Variants in PCGF3 observed in about 807,000 individuals in gnomAD.
PCGF3 encodes polycomb group ring finger 3.
A neutral mutation model predicts 33.1 loss-of-function variants in PCGF3; 7 were observed. The ratio of observed to expected loss-of-function variants is 0.21; its 90% CI spans 0.12 to 0.40. PCGF3 has a LOEUF of 0.40. PCGF3 is among the 10% of genes least tolerant of loss of function. The probability of loss-of-function intolerance (pLI) is 1.00; values close to 1 mark genes in which losing one functional copy is unlikely to be tolerated. For missense variants in PCGF3, 211 were observed against 313.3 expected (o/e 0.67, Z 2.46); for synonymous variants, 153 against 121.3 (o/e 1.26, Z -1.72).
exon 11 of PCGF3, chr4:766,275 C>A: frequency 1.8e-6 from 1 of 567,000 alleles, no homozygotes; most frequent in South Asian, 2.1e-5. Context: ...GAAAACACTT[C>A]ACAGTCTCCC....
At chr4:754,812 G>C (rs148450545) in intron 8 of PCGF3, among the ~76,000 whole-genome samples, 2 of 152,340 alleles carry the variant, frequency 1.3e-5, no homozygotes, top group East Asian at 1.9e-4. Context: ...GCACGGCCAG[G>C]GTGGCCATGC....
rs376235742 is a variant in PCGF3 at position 736,141 on chromosome 4, G to A, written c.206+1114G>A. Among the ~76,000 whole-genome samples the A allele has an allele frequency of 1.5e-4, 23 of 151,930 alleles. No homozygotes were observed. The East Asian group carries it at 1.5e-3, about 10-fold the overall frequency. ...CAGCTCACCGCAACCTCCACCTCCC[G>A]GGTTCAAGTGATTCTCCTGCCTCAG... On this transcript the variant is annotated intron_variant, in intron 5 of 10. Transcript: ENST00000362003.
intron 9 of PCGF3, chr4:761,795 A>T: frequency 3.0e-6 from 3 of 985,410 alleles, no homozygotes; most frequent in Non-Finnish European, 3.6e-6. Context: ...GAGACGAAGG[A>T]GTGCTGGCAT....
At chr4:741,494 C>T (rs1744088365) in intron 6 of PCGF3, among the ~76,000 whole-genome samples, 1 of 152,204 alleles carries the variant, frequency 6.6e-6, no homozygotes, top group African/African-American at 2.4e-5. Flanking sequence ...GCAACCTCCG[C>T]CTCCCAGGTT....
intron 8 of PCGF3, among the ~76,000 whole-genome samples, chr4:759,968 G>C (rs1259239200): frequency 6.6e-6 from 1 of 152,100 alleles, no homozygotes; most frequent in Non-Finnish European, 1.5e-5. Flanking sequence ...TCTCTCCCGA[G>C]TTCTCTCTCC....
intron 8 of PCGF3, chr4:756,953 A>G (rs1442946489): frequency 1.3e-5 from 2 of 152,250 alleles, no homozygotes; most frequent in African/African-American, 4.8e-5. Context: ...GTGCCATAAT[A>G]AAGCCTAAAA....
At chr4:764,829 T>C (rs961897342) in intron 9 of PCGF3, 155 bp from the exon 10 acceptor site, 8 of 606,634 alleles carry the variant, frequency 1.3e-5, no homozygotes, top group African/African-American at 1.9e-5. Context: ...GAGGTAGGGA[T>C]GGAGGAATAC....
chr4:747,607 G>GGCCTCC (rs1234841956), intron 8 of PCGF3, among the ~76,000 whole-genome samples: 3 of 49,740 alleles, frequency 6.0e-5, no homozygotes, highest in Middle Eastern at 0.013. Context: ...GCGGGGCCCG[G>GGCCTCC]GGGTCGCTGC....
chr4:736,600 G>A (rs1271839010), intron 5 of PCGF3, among the ~76,000 whole-genome samples: 1 of 115,600 alleles, frequency 8.7e-6, no homozygotes, highest in Non-Finnish European at 1.8e-5. Flanking sequence ...GGAACCTGGG[G>A]TGTCCGCAGG....
intron 8 of PCGF3, among the ~76,000 whole-genome samples, chr4:756,161 C>A (rs1419413855): frequency 6.6e-6 from 1 of 151,062 alleles, no homozygotes; most frequent in African/African-American, 2.4e-5. Context: ...GTGATTCACC[C>A]GCCTCAGCCT....
chr4:756,442 A>G (rs1204552675), intron 8 of PCGF3, among the ~76,000 whole-genome samples: 1 of 151,354 alleles, frequency 6.6e-6, no homozygotes, highest in Non-Finnish European at 1.5e-5. Flanking sequence ...CGAACTCCTG[A>G]CCTCAAATGA....
rs1560198175 is a variant in PCGF3, at chr4:720,120, C to T, written c.-189-10510C>T. On this transcript the variant is annotated intron_variant, in intron 1 of 10. Coordinates refer to ENST00000362003, the Ensembl canonical transcript of PCGF3. The surrounding 1 kb of genome is among the most constrained non-coding windows in gnomAD (Gnocchi z 5.6). ...GGCATCGACTGGATGGCCTTTCCCT[C>T]CTGAGTGACAGCCCTGGACGTGCTG... Among the ~76,000 whole-genome samples the T allele has an allele frequency of 6.6e-6, 1 of 152,322 alleles. No individual in the cohort carries two copies. The highest frequency in any genetic ancestry group is 2.1e-4 in the South Asian group (1 of 4,830).
chr4:756,406 T>C (rs1744771679), intron 8 of PCGF3, among the ~76,000 whole-genome samples: 1 of 151,278 alleles, frequency 6.6e-6, no homozygotes, highest in African/African-American at 2.4e-5. Flanking sequence ...ACAGACGGGG[T>C]TTCACTATGT....
intron 7 of PCGF3, 113 bp downstream of exon 7, chr4:743,697 TGGG>T: frequency 6.1e-6 from 4 of 653,902 alleles, no homozygotes; most frequent in Non-Finnish European, 1.1e-5. Flanking sequence ...CGGGAGAACG[TGGG>T]GGAACCTGAG....
chr4:739,460 G>C (rs1223111207), intron 6 of PCGF3, among the ~76,000 whole-genome samples: 1 of 152,202 alleles, frequency 6.6e-6, no homozygotes, highest in Non-Finnish European at 1.5e-5. Context: ...CCAAAGTGCT[G>C]GGATTACAGG....
At chr4:717,678 G>A (rs1205334774) in intron 1 of PCGF3, among the ~76,000 whole-genome samples, 3 of 152,246 alleles carry the variant, frequency 2.0e-5, no homozygotes, top group African/African-American at 4.8e-5. Flanking sequence ...GCGCCCGGCT[G>A]TGTGTGCTTA....
At chr4:725,432 T>C (rs1743283220) in intron 1 of PCGF3, among the ~76,000 whole-genome samples, 1 of 152,190 alleles carries the variant, frequency 6.6e-6, no homozygotes, top group Non-Finnish European at 1.5e-5. Flanking sequence ...CCTGAGGGGT[T>C]GTGGGGCCCA....
chr4:708,215 A>T (rs894196355), intron 1 of PCGF3, among the ~76,000 whole-genome samples: 13 of 151,976 alleles, frequency 8.6e-5, no homozygotes, highest in Non-Finnish European at 1.8e-4. Context: ...GGGGTCACTT[A>T]GGGTCGGGAC....
chr4:738,978 C>T (rs896796661), intron 6 of PCGF3, among the ~76,000 whole-genome samples: 14 of 152,202 alleles, frequency 9.2e-5, no homozygotes, highest in Non-Finnish European at 1.3e-4. Context: ...AGTTTCTAGG[C>T]GTGGCCGTCC....
Sources: gnomAD v4.1 joint callset for allele counts (sites outside exome capture counted in the v4.1 genomes callset) on GRCh38, gnomAD v4.1.1 for gene constraint, Gnocchi (gnomAD v3.1) non-coding constraint, MANE v1.5 for transcripts, NCBI Gene and HGNC (gene_info 2026-07-23, HGNC 2026-07-21) for gene names.